Variants in UCHL5 observed in about 807,000 individuals in gnomAD.
UCHL5 encodes ubiquitin C-terminal hydrolase L5, also known as ubiquitin carboxyl-terminal hydrolase isozyme L5.
UCHL5 carries 34 observed loss-of-function variants against 53.8 expected under a neutral mutation model. The observed-to-expected ratio is 0.63, with a 90% CI of 0.48 to 0.84. The LOEUF (loss-of-function observed/expected upper bound fraction) is 0.84. UCHL5 is among the 40% of genes least tolerant of loss of function. UCHL5 has a pLI of 0.00. For missense variants in UCHL5, 290 were observed against 385.6 expected (o/e 0.75, Z 2.08); for synonymous variants, 111 against 126.3 (o/e 0.88, Z 0.81).
chr1:193,021,377 T>C (rs533278431), intron 9 of UCHL5, among the ~76,000 whole-genome samples, 182 bp from the exon 10 acceptor site: 1 of 152,300 alleles, frequency 6.6e-6, no homozygotes, highest in South Asian at 2.1e-4. Flanking sequence ...GGAGGGAGTT[T>C]CTTGGGCAAG....
At chr1:193,018,895 A>C in intron 10 of UCHL5, 4 of 1,287,790 alleles carry the variant, frequency 3.1e-6, no homozygotes, top group Non-Finnish European at 4.3e-6. Flanking sequence ...TTTTCTTAGA[A>C]GTATTACCAT....
At chr1:193,043,124 C>G (rs981348871) in intron 3 of UCHL5, among the ~76,000 whole-genome samples, 7 of 116,634 alleles carry the variant, frequency 6.0e-5, no homozygotes, top group Middle Eastern at 7.2e-3. Context: ...AACAAAAGAG[C>G]CTGGAGCCTT....
rs557250991 is a variant in UCHL5 at position 193,058,029 on chromosome 1, C to T, written c.76+1156G>A. The stretch of plus-strand genomic sequence containing the variant: ...TGGATCACGAGGTCAGGAGCTGAGA[C>T]CAGCCTGGCCAGCATGGTGAAACCC... On this transcript the variant is annotated intron_variant, in intron 1 of 10. Coordinates refer to ENST00000367454, the MANE Select transcript of UCHL5 (RefSeq NM_001199261.3). Among the ~76,000 whole-genome samples, 5 of 152,008 alleles carry T rather than the reference C, an allele frequency of 3.3e-5. No homozygotes were observed. In the South Asian group the frequency reaches 1.0e-3, roughly 32 times the overall value.
chr1:193,058,942 T>G (rs1671790823), intron 1 of UCHL5, among the ~76,000 whole-genome samples: 1 of 152,184 alleles, frequency 6.6e-6, no homozygotes, highest in South Asian at 2.1e-4. Context: ...GTCCTGAGGA[T>G]GCAGCAGGCA....
chr1:193,018,026 T>A (rs1452882354), intron 10 of UCHL5, among the ~76,000 whole-genome samples: 1 of 151,514 alleles, frequency 6.6e-6, no homozygotes, highest in Non-Finnish European at 1.5e-5. Flanking sequence ...TAAAAATACT[T>A]TCCTTCTATA....
intron 3 of UCHL5, among the ~76,000 whole-genome samples, chr1:193,047,989 ACAAGTCT>A (rs58593626): frequency 0.75 from 113,834 of 151,256 alleles, 43,062 homozygotes; most frequent in Middle Eastern, 0.77. Context: ...ACCTTGGAGT[ACAAGTCT>A]CAAGTCTTTA....
intron 9 of UCHL5, among the ~76,000 whole-genome samples, chr1:193,022,361 T>A (rs1014349668): frequency 6.6e-6 from 1 of 152,046 alleles, no homozygotes; most frequent in Non-Finnish European, 1.5e-5. Context: ...TGAAAAATAA[T>A]CCTTTACTAC....
chr1:193,020,271 T>C (rs2102288232), intron 10 of UCHL5: 2 of 1,527,330 alleles, frequency 1.3e-6, no homozygotes, highest in Admixed American at 2.1e-5. Context: ...ATCTTTGCTT[T>C]GTAAACTTTA....
At chr1:193,040,333 C>G (rs1208674449) in intron 3 of UCHL5, among the ~76,000 whole-genome samples, 1 of 152,080 alleles carries the variant, frequency 6.6e-6, no homozygotes. Flanking sequence ...TAAAAATGGA[C>G]AGAAGATCTG....
chr1:193,049,783 T>A lies in UCHL5; in HGVS notation c.209A>T (p.Gln70Leu), dbSNP rs1365594464. 1.2e-6 allele frequency: 2 copies of A among 1,612,960 alleles called. No homozygotes were observed. The highest frequency in any genetic ancestry group is 2.7e-5 in the African/African-American group (2 of 74,908). The change falls in exon 3 of 11, where the codon CAG becomes CTG. Residue 70 changes from glutamine (Q) to leucine (L), a missense_variant. Gln to Leu is a moderately radical substitution (Grantham distance 113). Transcript: ENST00000367454. ...PGEEPAGSVVQDSRLDTIFFA... is the reference protein window; with the variant it reads ...PGEEPAGSVVLDSRLDTIFFA... ...AAATATCGTGTCAAGTCGGGAGTCC[T>A]GAACCACAGAGCCTGCTGGTTCTTC...
At chr1:193,028,309 A>C (rs1660105373) in intron 6 of UCHL5, among the ~76,000 whole-genome samples, 161 bp from the exon 7 acceptor site, 1 of 152,158 alleles carries the variant, frequency 6.6e-6, no homozygotes, top group African/African-American at 2.4e-5. Context: ...TCCATAAATA[A>C]ATTTTTATAA....
chr1:193,059,667 TGCTGTGGCTGTC>T, upstream of UCHL5: 4 of 1,373,776 alleles, frequency 2.9e-6, no homozygotes, highest in Non-Finnish European at 3.9e-6. The surrounding 1 kb of genome is among the most constrained non-coding windows in gnomAD (Gnocchi z 4.9). Flanking sequence ...CTGTTGCTGT[TGCTGTGGCTGTC>T]GCTGCCCGTC....
At chr1:193,047,120 C>T (rs992062779) in intron 3 of UCHL5, among the ~76,000 whole-genome samples, 2 of 152,186 alleles carry the variant, frequency 1.3e-5, no homozygotes, top group East Asian at 1.9e-4. Context: ...ATATCTGGCA[C>T]ACAACAAGAG....
intron 7 of UCHL5, 67 bp from the exon 8 acceptor site, chr1:193,024,013 C>T (rs1040100266): frequency 1.5e-5 from 17 of 1,107,694 alleles, no homozygotes; most frequent in Admixed American, 1.0e-4. Context: ...TTAAGATAAT[C>T]CATCGTGATT....
intron 1 of UCHL5, among the ~76,000 whole-genome samples, chr1:193,053,580 G>A (rs954273636): frequency 6.6e-6 from 1 of 152,128 alleles, no homozygotes; most frequent in Admixed American, 6.5e-5. Context: ...CAGCACTGTC[G>A]TAAAGGTCTT....
At chr1:193,048,669 A>C (rs1275878847) in intron 3 of UCHL5, among the ~76,000 whole-genome samples, 1 of 152,244 alleles carries the variant, frequency 6.6e-6, no homozygotes, top group Non-Finnish European at 1.5e-5. Flanking sequence ...ATTTCAACCA[A>C]AAGCAAAACA....
chr1:193,035,136 C>T (rs1662892021), intron 3 of UCHL5, among the ~76,000 whole-genome samples: 1 of 151,412 alleles, frequency 6.6e-6, no homozygotes, highest in South Asian at 2.1e-4. Context: ...AACACACCCA[C>T]TCAAGAAAAA....
At position 193,023,958 on chromosome 1, in the gene UCHL5, T is replaced by C. The variant is rs767724987; in HGVS notation, c.630-12A>G. On this transcript the variant is annotated splice_polypyrimidine_tract_variant and intron_variant, in intron 7 of 10. Transcript: ENST00000367454. ...CACCTTCACTGTACCTAGAAGAAAATTATTTAAGTTTATAATGTAATAAAG... is the reference window on the plus strand; with the variant it reads ...CACCTTCACTGTACCTAGAAGAAAACTATTTAAGTTTATAATGTAATAAAG... 7 of 1,520,544 alleles carry C rather than the reference T, an allele frequency of 4.6e-6. No individual in the cohort carries two copies. The African/African-American group carries it at 9.7e-5, about 21-fold the overall frequency. The allele number at this position is 1,520,544 out of a possible 1,614,324, so 94.2% of individuals were successfully genotyped here.
At chr1:193,035,827 A>G (rs912127122) in intron 3 of UCHL5, among the ~76,000 whole-genome samples, 4 of 152,236 alleles carry the variant, frequency 2.6e-5, no homozygotes, top group East Asian at 1.9e-4. Context: ...GTATATTGAC[A>G]AAACACAAAG....
Sources: gnomAD v4.1 joint callset for allele counts (sites outside exome capture counted in the v4.1 genomes callset) on GRCh38, gnomAD v4.1.1 for gene constraint, Gnocchi (gnomAD v3.1) non-coding constraint, MANE v1.5 for transcripts, NCBI Gene and HGNC (gene_info 2026-07-23, HGNC 2026-07-21) for gene names.